SACS: variants seen among roughly 807,000 people sequenced by gnomAD.
SACS encodes sacsin.
Under a neutral mutation model 348.0 loss-of-function variants are expected in SACS, and 197 were observed. The ratio of observed to expected loss-of-function variants is 0.57; its 90% confidence interval spans 0.50 to 0.64. The LOEUF is 0.64. SACS is among the 30% of genes least tolerant of loss of function. SACS has a pLI of 0.00. For synonymous variants in SACS, 1,985 were observed against 1,910.6 expected (o/e 1.04, Z -1.02); for missense variants, 4,999 against 5,360.8 (o/e 0.93, Z 2.11).
At chr13:23,363,957 C>T (rs1870906617) in intron 6 of SACS, among the ~76,000 whole-genome samples, 1 of 152,066 alleles carries the variant, frequency 6.6e-6, no homozygotes, top group South Asian at 2.1e-4. Context: ...AGACAAGATA[C>T]CTTGCAGGCT....
chr13:23,373,646 A>G (rs1871539447), intron 3 of SACS, among the ~76,000 whole-genome samples: 1 of 152,082 alleles, frequency 6.6e-6, no homozygotes, highest in South Asian at 2.1e-4. Context: ...CTAAAAATAC[A>G]AAAATTAGCT....
intron 2 of SACS, among the ~76,000 whole-genome samples, chr13:23,394,730 C>A (rs1335621565): frequency 6.6e-6 from 1 of 152,180 alleles, no homozygotes; most frequent in Admixed American, 6.5e-5. Flanking sequence ...TGGCACACAT[C>A]TGTAGTCCCA....
chr13:23,430,042 T>C (rs1874371327), intron 1 of SACS, among the ~76,000 whole-genome samples: 1 of 152,016 alleles, frequency 6.6e-6, no homozygotes, highest in African/African-American at 2.4e-5. Context: ...ACTCCGTCTC[T>C]ACTAAAAATA....
chr13:23,396,528 A>G (rs1041488944), intron 2 of SACS, among the ~76,000 whole-genome samples: 1 of 152,138 alleles, frequency 6.6e-6, no homozygotes, highest in Non-Finnish European at 1.5e-5. Flanking sequence ...ATTAAGGTAA[A>G]ATTATAACCA....
At chr13:23,382,350 G>A (rs944162927) in intron 2 of SACS, among the ~76,000 whole-genome samples, 53 of 152,164 alleles carry the variant, frequency 3.5e-4, no homozygotes, top group African/African-American at 1.1e-3. Context: ...GATTTTGAAG[G>A]AAAATTAGGA....
intron 6 of SACS, among the ~76,000 whole-genome samples, chr13:23,361,041 CCCCA>C (rs1162586534): frequency 1.3e-5 from 2 of 152,256 alleles, no homozygotes; most frequent in South Asian, 2.1e-4. Flanking sequence ...AGGCGTGAGC[CCCCA>C]CCCTCCAAGG....
Position 23,334,792 on chromosome 13 carries a change from G to A in SACS, c.9084C>T (p.Asp3028=). ...STSNKTRPFF[D]NLLQDELQHL... The stretch of plus-strand genomic sequence containing the variant: ...GTTGTAATTCATCCTGTAGTAAATT[G>A]TCAAAAAATGGTCTAGTTTTATTAG... Residue 3028 remains aspartate (D), a synonymous_variant, in exon 10 of 10, where the codon GAC becomes GAT. Coordinates refer to ENST00000382292, the MANE Select transcript of SACS (RefSeq NM_014363.6). 2 of 1,613,708 alleles carry A rather than the reference G, an allele frequency of 1.2e-6. No individual in the cohort carries two copies. The highest frequency in any genetic ancestry group is 1.1e-5 in the South Asian group (1 of 91,066).
chr13:23,412,217 C>T (rs1189862212), intron 1 of SACS, among the ~76,000 whole-genome samples: 1 of 152,070 alleles, frequency 6.6e-6, no homozygotes, highest in Non-Finnish European at 1.5e-5. Context: ...CAAGATCGCG[C>T]CACTGCACTC....
chr13:23,373,610 C>G (rs368849727), intron 3 of SACS: 1 of 152,856 alleles, frequency 6.5e-6, no homozygotes, highest in East Asian at 1.9e-4. Context: ...CACCGTCCCC[C>G]CGCCCCGCGC....
chr13:23,358,384 C>G lies in SACS; in HGVS notation c.555G>C (p.Leu185=). The change falls in exon 7 of 10, where the codon CTG becomes CTC. Residue 185 remains leucine, a synonymous_variant. Coordinates refer to ENST00000382292, the MANE Select transcript of SACS (RefSeq NM_014363.6). The part of the protein sequence containing the change: ...IARSRKKDDP[L]KVGRFGIGFN... Reference sequence around the variant, plus strand: ...ACCCAATTCCAAATCTTCCGACCTTCAGAGGATCATCCTTTTTCCTGCTTC... The same window carrying G: ...ACCCAATTCCAAATCTTCCGACCTTGAGAGGATCATCCTTTTTCCTGCTTC... 6.2e-7 allele frequency: 1 copy of G among 1,614,212 alleles called. No individual in the cohort carries two copies. Among genetic ancestry groups the G allele is most frequent in the Non-Finnish European group, 8.5e-7 (1 of 1,180,030 alleles).
chr13:23,381,355 G>GCACACACACA (rs71100174), intron 2 of SACS, among the ~76,000 whole-genome samples: 7,668 of 139,924 alleles, frequency 0.055, 267 homozygotes, highest in Middle Eastern at 0.074. Flanking sequence ...GCAGCACGAA[G>GCACACACACA]CACACACACA....
In SACS at chr13:23,333,973, C is replaced by T; in HGVS notation, c.9903G>A (p.Leu3301=). 1.2e-6 allele frequency: 2 copies of T among 1,613,900 alleles called. No individual in the cohort carries two copies. Among genetic ancestry groups the T allele is most frequent in the Non-Finnish European group, 1.7e-6 (2 of 1,179,840 alleles). ...CAATGTGCATAAGGCTGAGAGGAAG[C>T]AGAACATCTCCTTCAGGAACCACAA... is the stretch of plus-strand genomic sequence containing the variant. ...NQLVVPEGDV[L]LPLSLMHIAV... The change falls in exon 10 of 10, where the codon CTG becomes CTA. Residue 3301 remains leucine, a synonymous_variant. Transcript: ENST00000382292.
Position 23,371,996 on chromosome 13 carries a change from GA to G in SACS, c.172-832del, listed in dbSNP as rs200529580. On this transcript the variant is annotated intron_variant, in intron 3 of 9. Transcript: ENST00000382292. ...AACACAGTGAGATCTGTCTCTATTT[GA>G]AAAAAATTTTTTTTTAAATTTGTGT... Among the ~76,000 whole-genome samples, 36 of 152,204 alleles carry G rather than the reference GA, an allele frequency of 2.4e-4. 1 individual carries two copies. In the South Asian group the frequency reaches 6.6e-3, roughly 28 times the overall value.
chr13:23,382,036 C>T (rs183403142), intron 2 of SACS, among the ~76,000 whole-genome samples: 3 of 152,348 alleles, frequency 2.0e-5, no homozygotes, highest in East Asian at 1.9e-4. Context: ...AGATTATAAA[C>T]GGCTGCACAC....
At chr13:23,392,364 A>C (rs2137900517) in intron 2 of SACS, among the ~76,000 whole-genome samples, 1 of 152,328 alleles carries the variant, frequency 6.6e-6, no homozygotes, top group East Asian at 1.9e-4. Context: ...CCAGGTTTGC[A>C]ACTAACTGCT....
Position 23,368,498 on chromosome 13 carries a change from G to C in SACS, c.260-11C>G. ...TCTGACCAAATCGACCTAAAATACG[G>C]AGCACATTTTAAGTGAGTTAGAAAA... On this transcript the variant is annotated splice_polypyrimidine_tract_variant and intron_variant, in intron 4 of 9. Transcript: ENST00000382292. 1.2e-6 allele frequency: 2 copies of C among 1,604,414 alleles called. No individual in the cohort carries two copies. Among genetic ancestry groups the C allele is most frequent in the Non-Finnish European group, 1.7e-6 (2 of 1,173,020 alleles).
At chr13:23,402,165 G>A (rs559445086) in intron 2 of SACS, among the ~76,000 whole-genome samples, 5 of 147,748 alleles carry the variant, frequency 3.4e-5, no homozygotes, top group South Asian at 2.1e-4. Context: ...GCAAAAGAGC[G>A]AGACTCCATC....
intron 2 of SACS, among the ~76,000 whole-genome samples, chr13:23,383,539 G>A (rs905557573): frequency 2.0e-5 from 3 of 152,096 alleles, no homozygotes; most frequent in African/African-American, 7.2e-5. Flanking sequence ...CTGCAGGCCT[G>A]TTCATGCCTT....
chr13:23,341,444 C>A lies in SACS; in HGVS notation c.2432G>T (p.Gly811Val). ...TCTAATGAGTTCCACACATGTCTGACCTTCCTCTAGTATAGTTCTGGGGAT... is the reference window on the plus strand; with the variant it reads ...TCTAATGAGTTCCACACATGTCTGAACTTCCTCTAGTATAGTTCTGGGGAT... ...PLIPRTILEE[G>V]QTCVELIRLR... is the part of the protein sequence containing the mutation. Residue 811 changes from glycine (G) to valine (V), a missense_variant, in exon 10 of 10, where the codon GGT becomes GTT. Physicochemically the swap from Gly to Val is moderately radical, Grantham distance 109. Coordinates refer to ENST00000382292, the MANE Select transcript of SACS (RefSeq NM_014363.6). 6.2e-7 allele frequency: 1 copy of A among 1,614,030 alleles called. No individual in the cohort carries two copies. The highest frequency in any genetic ancestry group is 8.5e-7 in the Non-Finnish European group (1 of 1,180,012).
Sources: allele counts gnomAD v4.1 joint callset (sites outside exome capture counted in the v4.1 genomes callset), GRCh38; gene constraint gnomAD v4.1.1; transcripts MANE v1.5; gene names NCBI Gene and HGNC (gene_info 2026-07-23, HGNC 2026-07-21).